The following IMMP2L variants were observed in gnomAD, a reference collection of about 807,000 sequenced individuals.
The protein encoded by IMMP2L is mitochondrial inner membrane protease subunit 2.
A neutral mutation model predicts 19.3 loss-of-function variants in IMMP2L; 18 were observed. The observed-to-expected ratio is 0.93, with a 90% CI of 0.64 to 1.38. The LOEUF (loss-of-function observed/expected upper bound fraction) is 1.38, where lower values mean the gene tolerates loss of function less well. IMMP2L is among the 40% of genes most tolerant of loss of function. The pLI, the probability that IMMP2L is intolerant of heterozygous loss-of-function variation, is 0.00. For synonymous variants in IMMP2L, 76 were observed against 73.0 expected (o/e 1.04, Z -0.21); for missense variants, 233 against 218.2 (o/e 1.07, Z -0.43).
intron 4 of IMMP2L, among the ~76,000 whole-genome samples, chr7:110,906,625 T>C (rs1487528104): frequency 6.6e-6 from 1 of 152,048 alleles, no homozygotes; most frequent in Non-Finnish European, 1.5e-5. Context: ...ATTGCCTAGG[T>C]TTGAATGCCA....
chr7:111,151,316 A>T (rs2129602824), intron 3 of IMMP2L, among the ~76,000 whole-genome samples: 1 of 152,326 alleles, frequency 6.6e-6, no homozygotes, highest in Non-Finnish European at 1.5e-5. Flanking sequence ...CAACCAGCTT[A>T]CGTGAAATAT....
chr7:111,452,920 G>A (rs1185047523), intron 3 of IMMP2L, among the ~76,000 whole-genome samples: 1 of 152,012 alleles, frequency 6.6e-6, no homozygotes, highest in African/African-American at 2.4e-5. Flanking sequence ...AGCTTCAAAA[G>A]GGCAGGGATC....
chr7:110,718,246 A>G (rs1795351559), intron 5 of IMMP2L, among the ~76,000 whole-genome samples: 1 of 152,228 alleles, frequency 6.6e-6, no homozygotes, highest in Admixed American at 6.5e-5. Flanking sequence ...GTGTAAAAGT[A>G]GAAAGTTTGA....
intron 2 of IMMP2L, 37 bp downstream of exon 2, chr7:111,521,276 G>A (rs1367002526): frequency 2.5e-6 from 4 of 1,589,128 alleles, no homozygotes; most frequent in Non-Finnish European, 3.4e-6. Flanking sequence ...AAACAATGAA[G>A]TATGTGCTTT....
At chr7:111,535,992 T>G (rs964241594) in intron 1 of IMMP2L, among the ~76,000 whole-genome samples, 2 of 152,086 alleles carry the variant, frequency 1.3e-5, no homozygotes, top group African/African-American at 4.8e-5. Context: ...ACATTTTCTT[T>G]GGCCACTAAG....
intron 5 of IMMP2L, among the ~76,000 whole-genome samples, chr7:110,808,420 G>A (rs1191389892): frequency 6.6e-6 from 1 of 151,890 alleles, no homozygotes; most frequent in African/African-American, 2.4e-5. Flanking sequence ...TATTTATTTT[G>A]GGCAGCCCTT....
At chr7:110,796,778 T>C (rs1301104187) in intron 5 of IMMP2L, among the ~76,000 whole-genome samples, 2 of 152,024 alleles carry the variant, frequency 1.3e-5, no homozygotes, top group African/African-American at 2.4e-5. Flanking sequence ...GGTGAAAAGA[T>C]AGGGTTCCTT....
intron 3 of IMMP2L, among the ~76,000 whole-genome samples, chr7:111,238,361 T>C (rs1037990966): frequency 1.2e-4 from 19 of 152,080 alleles, no homozygotes; most frequent in Non-Finnish European, 4.4e-5. Context: ...TTGGGCAAGT[T>C]ACTTGACCCT....
intron 3 of IMMP2L, among the ~76,000 whole-genome samples, chr7:111,281,160 A>G (rs13308247): frequency 4.8e-5 from 1 of 20,978 alleles, no homozygotes; most frequent in African/African-American, 1.8e-4. Context: ...GAAAGACAGA[A>G]AGAAAGAAAG....
At chr7:110,984,747 A>C (rs2129558610) in intron 3 of IMMP2L, among the ~76,000 whole-genome samples, 1 of 152,226 alleles carries the variant, frequency 6.6e-6, no homozygotes. Context: ...AACAAAAATC[A>C]ATAATATTTT....
intron 3 of IMMP2L, among the ~76,000 whole-genome samples, chr7:111,387,737 G>A (rs1238485289): frequency 6.6e-6 from 1 of 151,720 alleles, no homozygotes; most frequent in East Asian, 1.9e-4. Context: ...CAACACTTTG[G>A]GAGGCCAAGG....
chr7:111,526,705 C>G (rs185724870), intron 1 of IMMP2L, among the ~76,000 whole-genome samples: 1 of 152,232 alleles, frequency 6.6e-6, no homozygotes, highest in African/African-American at 2.4e-5. Context: ...TGCAGGCTAT[C>G]TATATTTCTG....
intron 1 of IMMP2L, among the ~76,000 whole-genome samples, chr7:111,546,077 A>G (rs1848906126): frequency 6.6e-6 from 1 of 152,086 alleles, no homozygotes; most frequent in African/African-American, 2.4e-5. Flanking sequence ...AACAACATAA[A>G]TATTTCATTA....
intron 4 of IMMP2L, among the ~76,000 whole-genome samples, chr7:110,938,895 C>T (rs973545629): frequency 2.6e-5 from 4 of 152,022 alleles, no homozygotes; most frequent in Non-Finnish European, 4.4e-5. Context: ...TTTTTCTTGA[C>T]TCTATCATGA....
intron 5 of IMMP2L, among the ~76,000 whole-genome samples, chr7:110,703,991 G>C (rs1406783982): frequency 6.6e-6 from 1 of 151,900 alleles, no homozygotes; most frequent in Non-Finnish European, 1.5e-5. Context: ...GACTACAGGA[G>C]CCTGCCACCA....
chr7:110,707,015 T>TTTTATTA (rs1794744850), intron 5 of IMMP2L, among the ~76,000 whole-genome samples: 1 of 140,606 alleles, frequency 7.1e-6, no homozygotes, highest in Non-Finnish European at 1.6e-5. Context: ...TTTTTTTTTT[T>TTTTATTA]TTATTATACT....
intron 5 of IMMP2L, among the ~76,000 whole-genome samples, chr7:110,776,786 C>T (rs920507327): frequency 1.3e-5 from 2 of 152,004 alleles, no homozygotes; most frequent in Non-Finnish European, 2.9e-5. Flanking sequence ...CCATGGGTCA[C>T]CTTCTTGGTC....
intron 4 of IMMP2L, among the ~76,000 whole-genome samples, chr7:110,929,873 T>C (rs1278557218): frequency 1.3e-5 from 2 of 151,990 alleles, no homozygotes; most frequent in Non-Finnish European, 2.9e-5. Flanking sequence ...CATGAAATGA[T>C]TGAGTTGTGA....
At chr7:111,479,281 T>C (rs1397136435) in intron 3 of IMMP2L, among the ~76,000 whole-genome samples, 1 of 152,168 alleles carries the variant, frequency 6.6e-6, no homozygotes, top group Non-Finnish European at 1.5e-5. Flanking sequence ...CCTTTCATTC[T>C]TAGATCTTTA....
Sources: allele counts gnomAD v4.1 joint callset (sites outside exome capture counted in the v4.1 genomes callset), GRCh38; gene constraint gnomAD v4.1.1; transcripts MANE v1.5; gene names NCBI Gene and HGNC (gene_info 2026-07-23, HGNC 2026-07-21).